EFCAB6: variants seen among roughly 807,000 people sequenced by gnomAD.
The protein encoded by EFCAB6 is EF-hand calcium binding domain 6, also known as EF-hand calcium-binding domain-containing protein 6.
In EFCAB6, 156 loss-of-function variants were observed where a neutral mutation model predicts 169.8. That is an observed-to-expected ratio of 0.92 (90% confidence interval 0.81 to 1.05). EFCAB6 has a LOEUF of 1.05. Ranked by LOEUF, EFCAB6 falls within the 50% of genes least tolerant of loss-of-function variation. The pLI is 0.00. For missense variants in EFCAB6, 1,800 were observed against 1,829.1 expected (o/e 0.98, Z 0.29); for synonymous variants, 698 against 676.4 (o/e 1.03, Z -0.50).
intron 27 of EFCAB6, among the ~76,000 whole-genome samples, chr22:43,542,776 G>T (rs758462672): frequency 6.6e-6 from 1 of 152,148 alleles, no homozygotes; most frequent in East Asian, 1.9e-4. Flanking sequence ...GCACCAGGAT[G>T]GGGGCTGAAG....
chr22:43,587,413 T>G (rs1291606472), intron 24 of EFCAB6, among the ~76,000 whole-genome samples: 5 of 152,258 alleles, frequency 3.3e-5, no homozygotes, highest in Admixed American at 2.6e-4. Flanking sequence ...CTTACAGTTC[T>G]GGACACCGGA....
intron 10 of EFCAB6, among the ~76,000 whole-genome samples, chr22:43,699,804 TTCATA>T: frequency 6.6e-6 from 1 of 152,320 alleles, no homozygotes; most frequent in Middle Eastern, 3.4e-3. Context: ...GCTTCTACAC[TTCATA>T]TAATTTAGAC....
At chr22:43,600,393 C>T (rs763805634) in intron 22 of EFCAB6, 130 bp from the exon 23 acceptor site, 51 of 958,968 alleles carry the variant, frequency 5.3e-5, no homozygotes, top group Admixed American at 9.7e-5. Flanking sequence ...CGGAGCATGC[C>T]CTGTGGGCCA....
chr22:43,686,898 A>G (rs1441411761), intron 11 of EFCAB6, among the ~76,000 whole-genome samples: 1 of 152,162 alleles, frequency 6.6e-6, no homozygotes, highest in Non-Finnish European at 1.5e-5. Flanking sequence ...TCATATTATT[A>G]AATTTTTTAA....
At chr22:43,766,386 T>A (rs73436236) in intron 4 of EFCAB6, among the ~76,000 whole-genome samples, 5,665 of 152,282 alleles carry the variant, frequency 0.037, 370 homozygotes, top group African/African-American at 0.13. Context: ...GTGTATGTTG[T>A]GTGCATACAC....
intron 10 of EFCAB6, among the ~76,000 whole-genome samples, chr22:43,689,431 T>G (rs903565288): frequency 6.6e-6 from 1 of 151,744 alleles, no homozygotes; most frequent in Non-Finnish European, 1.5e-5. Context: ...TGAACAGGCC[T>G]TAATAGAGAA....
At chr22:43,731,290 C>A (rs2059938006) in intron 8 of EFCAB6, among the ~76,000 whole-genome samples, 1 of 152,152 alleles carries the variant, frequency 6.6e-6, no homozygotes, top group Non-Finnish European at 1.5e-5. Flanking sequence ...TTGCCCTTTT[C>A]TGTTAAGATT....
intron 13 of EFCAB6, among the ~76,000 whole-genome samples, chr22:43,675,654 A>G (rs1230865661): frequency 6.8e-6 from 1 of 147,044 alleles, no homozygotes; most frequent in Non-Finnish European, 1.5e-5. Flanking sequence ...TATAAAGTAT[A>G]ATATATAATA....
At position 43,711,516 on chromosome 22, in the gene EFCAB6, T is replaced by C. The variant is rs1354141498; in HGVS notation, c.990A>G (p.Val330=). ...NYLKIVLDTF[V]YQIPRRIFIQ... is the part of the protein sequence containing the mutation. ...TAAAAATTCTTCTTGGTATTTGGTA[T>C]ACAAAAGTGTCGAGGACAATCTTTA... Residue 330 remains valine, a synonymous_variant, in exon 10 of 32, where the codon GTA becomes GTG. Transcript: ENST00000262726. The C allele has an allele frequency of 3.1e-6, 5 of 1,602,976 alleles. No homozygotes were observed. Among genetic ancestry groups the C allele is most frequent in the East Asian group, 2.2e-5 (1 of 44,536 alleles).
At chr22:43,675,509 A>G (rs965081850) in intron 13 of EFCAB6, among the ~76,000 whole-genome samples, 8 of 140,780 alleles carry the variant, frequency 5.7e-5, no homozygotes, top group Admixed American at 2.2e-4. Flanking sequence ...GATTTAATAT[A>G]ATATAGGATT....
At chr22:43,593,066 T>TA (rs56287650) in intron 23 of EFCAB6, among the ~76,000 whole-genome samples, 3,214 of 144,968 alleles carry the variant, frequency 0.022, 106 homozygotes, top group African/African-American at 0.075. Flanking sequence ...GAGGAGGAGG[T>TA]AAAAAAAAAA....
intron 8 of EFCAB6, 141 bp from the exon 9 acceptor site, chr22:43,717,113 G>A: frequency 8.9e-7 from 1 of 1,121,742 alleles, no homozygotes. Context: ...CTGATTAATG[G>A]TGTTGAAATA....
intron 5 of EFCAB6, among the ~76,000 whole-genome samples, chr22:43,757,050 G>T (rs1231838010): frequency 6.6e-6 from 1 of 152,152 alleles, no homozygotes; most frequent in Non-Finnish European, 1.5e-5. Flanking sequence ...ACTTCAAAGG[G>T]TAAGGGGAAG....
At chr22:43,590,895 G>A (rs2051460666) in intron 23 of EFCAB6, among the ~76,000 whole-genome samples, 1 of 152,172 alleles carries the variant, frequency 6.6e-6, no homozygotes, top group South Asian at 2.1e-4. Flanking sequence ...AGGAGAAGAA[G>A]GGCAGTGAGC....
At chr22:43,692,777 G>A (rs1280201349) in intron 10 of EFCAB6, among the ~76,000 whole-genome samples, 2 of 151,868 alleles carry the variant, frequency 1.3e-5, no homozygotes, top group African/African-American at 4.8e-5. Context: ...ATATGTACTT[G>A]GAGTCACAGA....
rs367715669 is a variant in EFCAB6, at chr22:43,697,333, CTGATA to C, written c.1032-9757_1032-9753del. Among the ~76,000 whole-genome samples, 272 of 152,184 alleles carry C rather than the reference CTGATA, an allele frequency of 1.8e-3. 1 individual carries two copies. Among genetic ancestry groups the C allele is most frequent in the African/African-American group, 6.4e-3 (265 of 41,514 alleles). On this transcript the variant is annotated intron_variant, in intron 10 of 31. Transcript: ENST00000262726. ...TTCTTTAATGACATGAAAAATGCTC[CTGATA>C]TAATATTCTATGAGAAAACAGAATG...
chr22:43,644,325 G>T (rs921700412), intron 17 of EFCAB6, among the ~76,000 whole-genome samples: 1 of 152,206 alleles, frequency 6.6e-6, no homozygotes, highest in South Asian at 2.1e-4. Flanking sequence ...AGGGGTTCAC[G>T]ATGGGGAACA....
At chr22:43,609,417 A>G (rs575154979) in intron 21 of EFCAB6, among the ~76,000 whole-genome samples, 1 of 152,368 alleles carries the variant, frequency 6.6e-6, no homozygotes, top group African/African-American at 2.4e-5. Context: ...ATACACAGGA[A>G]TACAAAGAAT....
At chr22:43,715,065 T>C (rs994609376) in intron 9 of EFCAB6, among the ~76,000 whole-genome samples, 3 of 152,234 alleles carry the variant, frequency 2.0e-5, no homozygotes, top group Admixed American at 1.3e-4. Context: ...TCGAGTTTCA[T>C]AGCAGAAAGC....
Sources: allele counts gnomAD v4.1 joint callset (sites outside exome capture counted in the v4.1 genomes callset), GRCh38; gene constraint gnomAD v4.1.1; transcripts MANE v1.5; gene names NCBI Gene and HGNC (gene_info 2026-07-23, HGNC 2026-07-21).